Variants in CAMK2D observed in about 807,000 individuals in gnomAD.
CAMK2D encodes the protein calcium/calmodulin-dependent protein kinase type II subunit delta.
A neutral mutation model predicts 84.0 loss-of-function variants in CAMK2D; 37 were observed. The observed-to-expected ratio is 0.44, with a 90% CI of 0.34 to 0.58. The LOEUF (loss-of-function observed/expected upper bound fraction) is 0.58. Among genes scored for constraint, CAMK2D ranks in the 20% least tolerant of loss-of-function variants. The pLI, the probability that CAMK2D is intolerant of heterozygous loss-of-function variation, is 0.02. For missense variants in CAMK2D, 448 were observed against 652.5 expected, an observed-to-expected ratio of 0.69 and a Z score of 3.41; for synonymous variants, 202 against 212.5, an observed-to-expected ratio of 0.95 and a Z score of 0.43.
intron 16 of CAMK2D, among the ~76,000 whole-genome samples, chr4:113,492,003 T>C (rs1277945562): frequency 4.6e-5 from 7 of 152,342 alleles, no homozygotes; most frequent in Admixed American, 6.5e-5. Flanking sequence ...TTTATCATTT[T>C]TTATTGCGTC....
intron 8 of CAMK2D, among the ~76,000 whole-genome samples, chr4:113,525,436 C>A (rs2098409207): frequency 6.6e-6 from 1 of 152,102 alleles, no homozygotes; most frequent in Admixed American, 6.5e-5. Context: ...GTTATACATA[C>A]AATTAAGTCA....
chr4:113,631,500 T>A (rs1280900889), intron 3 of CAMK2D, among the ~76,000 whole-genome samples: 1 of 152,194 alleles, frequency 6.6e-6, no homozygotes, highest in African/African-American at 2.4e-5. Flanking sequence ...ACTGTGAGAA[T>A]CTGCTAGCTA....
intron 8 of CAMK2D, among the ~76,000 whole-genome samples, chr4:113,524,300 TTCTC>T (rs1186227709): frequency 5.3e-5 from 8 of 152,200 alleles, no homozygotes; most frequent in Non-Finnish European, 7.4e-5. Context: ...AATTTCCCCT[TTCTC>T]TCTAGTTCTT....
chr4:113,750,012 C>T (rs2099613589), intron 2 of CAMK2D, among the ~76,000 whole-genome samples: 2 of 152,202 alleles, frequency 1.3e-5, no homozygotes, highest in South Asian at 4.1e-4. Flanking sequence ...ATCCAACAAA[C>T]ATTTACAAGT....
chr4:113,555,574 T>TA (rs767917995), intron 4 of CAMK2D, among the ~76,000 whole-genome samples: 1 of 152,064 alleles, frequency 6.6e-6, no homozygotes, highest in African/African-American at 2.4e-5. Flanking sequence ...TTTTTATTTG[T>TA]AAAAAAACAT....
Position 113,682,577 on chromosome 4 carries a change from G to A in CAMK2D, c.161-20805C>T, listed in dbSNP as rs1204350285. 2.6e-5 allele frequency among the ~76,000 whole-genome samples: 4 copies of A among 151,960 alleles called. No individual in the cohort carries two copies. The East Asian group carries it at 7.7e-4, about 29-fold the overall frequency. ...CTGAAAAAAACTGTAATGCAATTAT[G>A]AGTAGGCCATTTCTTCCTTCTTTCT... On this transcript the variant is annotated intron_variant, in intron 2 of 20. Transcript: ENST00000511664.
chr4:113,495,319 A>C (rs2097913836), intron 16 of CAMK2D, among the ~76,000 whole-genome samples: 1 of 152,102 alleles, frequency 6.6e-6, no homozygotes, highest in Non-Finnish European at 1.5e-5. Context: ...AAAATACCCA[A>C]GAGTTTCTTA....
intron 16 of CAMK2D, among the ~76,000 whole-genome samples, chr4:113,481,485 TA>T (rs2097700652): frequency 6.6e-6 from 1 of 152,158 alleles, no homozygotes; most frequent in South Asian, 2.1e-4. Flanking sequence ...ATTTTCATTT[TA>T]TTTTATTTTT....
intron 4 of CAMK2D, among the ~76,000 whole-genome samples, chr4:113,565,652 A>T (rs1370175759): frequency 6.9e-6 from 1 of 145,006 alleles, no homozygotes; most frequent in African/African-American, 2.6e-5. Context: ...CTCTGTCTCA[A>T]AAAAAAAAAA....
chr4:113,680,124 C>A (rs562854298), intron 2 of CAMK2D, among the ~76,000 whole-genome samples: 1 of 151,956 alleles, frequency 6.6e-6, no homozygotes, highest in South Asian at 2.1e-4. Context: ...CCAAGCCAGT[C>A]ACAAATTTTT....
chr4:113,528,359 C>T (rs1433402227), intron 8 of CAMK2D, among the ~76,000 whole-genome samples: 1 of 152,220 alleles, frequency 6.6e-6, no homozygotes, highest in Non-Finnish European at 1.5e-5. Context: ...AGAATTTGTG[C>T]CATGTCATAC....
intron 17 of CAMK2D, among the ~76,000 whole-genome samples, chr4:113,465,061 C>T (rs2097440592): frequency 6.6e-6 from 1 of 152,138 alleles, no homozygotes; most frequent in African/African-American, 2.4e-5. Context: ...GAGACAGGGT[C>T]TCACTCTGTC....
intron 2 of CAMK2D, among the ~76,000 whole-genome samples, chr4:113,724,097 T>A (rs1273753504): frequency 6.6e-6 from 1 of 152,120 alleles, no homozygotes; most frequent in Admixed American, 6.5e-5. Context: ...TTGGATTCTG[T>A]GTTTATTCAT....
chr4:113,571,802 T>C (rs950116911), intron 4 of CAMK2D, among the ~76,000 whole-genome samples: 2 of 152,234 alleles, frequency 1.3e-5, no homozygotes, highest in East Asian at 3.8e-4. Context: ...ACTAGCTGTC[T>C]ATCTGGGAGT....
intron 4 of CAMK2D, among the ~76,000 whole-genome samples, chr4:113,581,529 A>G (rs112567337): frequency 1.9e-4 from 23 of 121,890 alleles, no homozygotes; most frequent in African/African-American, 6.2e-4. Flanking sequence ...AAAAAAAAAA[A>G]AAAAGAAAAG....
At position 113,761,646 on chromosome 4, in the gene CAMK2D, C is replaced by A. The variant is rs1363888595; in HGVS notation, c.-578G>T. On this transcript the variant is annotated 5_prime_UTR_variant, in exon 1 of 21. Coordinates refer to ENST00000511664, the MANE Select transcript of CAMK2D (RefSeq NM_001321571.2). Reference sequence around the variant, plus strand: ...GCGCCCGAGGCCGGCTTCCCTCCGGCGGGCGGCAGCGGCTCCGGCGAAGCG... The same window carrying A: ...GCGCCCGAGGCCGGCTTCCCTCCGGAGGGCGGCAGCGGCTCCGGCGAAGCG... 1 of 984,970 alleles carries A rather than the reference C, an allele frequency of 1.0e-6. No homozygotes were observed. Among genetic ancestry groups the A allele is most frequent in the African/African-American group, 1.7e-5 (1 of 57,180 alleles). 61.0% of individuals were successfully genotyped at this position (984,970 alleles called of 1,614,324 possible).
At chr4:113,475,763 T>C (rs1421370413) in intron 16 of CAMK2D, among the ~76,000 whole-genome samples, 2 of 152,236 alleles carry the variant, frequency 1.3e-5, no homozygotes, top group African/African-American at 4.8e-5. Flanking sequence ...CTCCGATCAT[T>C]GTACTTTCAT....
Position 113,457,569 on chromosome 4 carries a change from A to G in CAMK2D, c.1307-6T>C, listed in dbSNP as rs1200973297. The stretch of plus-strand genomic sequence containing the variant: ...TTTATTGCTTTTGGACAAAGCTGAA[A>G]GAGAAAAACATGAAAAGCAAAATTT... On this transcript the variant is annotated splice_polypyrimidine_tract_variant and splice_region_variant and intron_variant, in intron 18 of 20. Transcript: ENST00000511664. 4 of 1,608,736 alleles carry G rather than the reference A, an allele frequency of 2.5e-6. No homozygotes were observed. The highest frequency in any genetic ancestry group is 2.5e-6 in the Non-Finnish European group (3 of 1,176,664).
chr4:113,682,797 G>A (rs2154335876), intron 2 of CAMK2D, among the ~76,000 whole-genome samples: 1 of 152,266 alleles, frequency 6.6e-6, no homozygotes, highest in South Asian at 2.1e-4. Flanking sequence ...CTAAGCAAAT[G>A]TTTTAAATAA....
Sources: allele counts gnomAD v4.1 joint callset (sites outside exome capture counted in the v4.1 genomes callset), GRCh38; gene constraint gnomAD v4.1.1; transcripts MANE v1.5; gene names NCBI Gene and HGNC (gene_info 2026-07-23, HGNC 2026-07-21).